The following DMD variants were observed in gnomAD, a reference collection of about 807,000 sequenced individuals.
DMD encodes the protein dystrophin, also known as mutant dystrophin.
Under a neutral mutation model 330.1 loss-of-function variants are expected in DMD, and 63 were observed. The observed-to-expected ratio is 0.19, with a 90% confidence interval of 0.16 to 0.24. The LOEUF is 0.24. Ranked by LOEUF, DMD falls within the 10% of genes least tolerant of loss-of-function variation. The pLI is 1.00. For missense variants in DMD, 3,344 were observed against 2,684.1 expected, an observed-to-expected ratio of 1.25 and a Z score of -5.43; for synonymous variants, 1,223 against 959.8, an observed-to-expected ratio of 1.27 and a Z score of -5.07.
chrX:31,321,583 C>CAAAAAAAAAAAAAAAAA (rs1190446358), intron 62 of DMD, among the ~76,000 whole-genome samples: 17 of 10,466 alleles, frequency 1.6e-3, no homozygotes, highest in East Asian at 4.0e-3. Context: ...AACTCCATCT[C>CAAAAAAAAAAAAAAAAA]AAAAAAAAAA....
At chrX:32,162,333 C>T (rs191177657) in intron 44 of DMD, among the ~76,000 whole-genome samples, 1,315 of 110,866 alleles carry the variant, frequency 0.012, 15 homozygotes, top group Middle Eastern at 0.023. Flanking sequence ...ATCCCTCAGC[C>T]TCTCATACAG....
intron 23 of DMD, among the ~76,000 whole-genome samples, chrX:32,465,301 C>G (rs572441956): frequency 3.1e-4 from 34 of 111,221 alleles, no homozygotes; most frequent in Admixed American, 4.8e-4. Context: ...GATTCTTTCC[C>G]GTATTACCTT....
At chrX:31,633,988 G>A (rs2079268804) in intron 54 of DMD, among the ~76,000 whole-genome samples, 1 of 111,741 alleles carries the variant, frequency 8.9e-6, no homozygotes, top group African/African-American at 3.2e-5. Context: ...GACAGATATT[G>A]GAATACACTC....
chrX:32,438,129 A>C, intron 29 of DMD, 112 bp downstream of exon 29: 1 of 836,761 alleles, frequency 1.2e-6, no homozygotes, highest in Non-Finnish European at 1.7e-6. Flanking sequence ...TTGTCTCTGA[A>C]ACCTGAAAGC....
At chrX:32,022,146 T>C (rs2095810646) in intron 44 of DMD, among the ~76,000 whole-genome samples, 1 of 111,768 alleles carries the variant, frequency 8.9e-6, no homozygotes, top group Non-Finnish European at 1.9e-5. Flanking sequence ...TTTTTTAAAA[T>C]CTGCTCTAAA....
At chrX:33,163,976 C>A (rs762575060) in intron 1 of DMD, among the ~76,000 whole-genome samples, 4 of 110,663 alleles carry the variant, frequency 3.6e-5, no homozygotes, top group African/African-American at 1.3e-4. Context: ...CCATATGCTC[C>A]CCCCACCCTA....
chrX:32,250,870 G>C (rs2148162504), intron 43 of DMD, among the ~76,000 whole-genome samples: 1 of 111,398 alleles, frequency 9.0e-6, no homozygotes, highest in South Asian at 3.8e-4. Context: ...CATAAAACAG[G>C]ATGACTTCAT....
At chrX:31,515,873 G>A (rs1427012405) in intron 55 of DMD, among the ~76,000 whole-genome samples, 2 of 112,485 alleles carry the variant, frequency 1.8e-5, no homozygotes, top group Non-Finnish European at 3.8e-5. Context: ...AGAAAGCAGT[G>A]TATGTAAATG....
rs1329207701 is a variant in DMD, at chrX:31,121,935, AAAACAAAGAG to A, written c.11047-15_11047-6del. The A allele has an allele frequency of 4.2e-6, 5 of 1,179,953 alleles. No homozygotes were observed. Among genetic ancestry groups the A allele is most frequent in the East Asian group, 3.0e-5 (1 of 33,758 alleles). On this transcript the variant is annotated splice_region_variant and splice_polypyrimidine_tract_variant and intron_variant, in intron 78 of 78. Transcript: ENST00000357033. ...AAAGACTTCCTACATTGTGTCCTGGAAAACAAAGAGAAAGAAAGACAGACTTTACAAAAGG... is the reference window on the plus strand; with the variant it reads ...AAAGACTTCCTACATTGTGTCCTGGAAAAGAAAGACAGACTTTACAAAAGG...
chrX:32,883,284 AC>A (rs1247643216), intron 2 of DMD, among the ~76,000 whole-genome samples: 1 of 111,927 alleles, frequency 8.9e-6, no homozygotes. Context: ...CAGGCACTGA[AC>A]GGCAATTGTG....
chrX:33,248,801 C>T (rs2052714867), intron 1 of DMD, among the ~76,000 whole-genome samples: 3 of 112,356 alleles, frequency 2.7e-5, no homozygotes, highest in South Asian at 3.6e-4. Context: ...ATGTTCTTAA[C>T]GATTTGCTGA....
At chrX:31,463,946 T>C (rs949757777) in intron 59 of DMD, among the ~76,000 whole-genome samples, 8 of 111,890 alleles carry the variant, frequency 7.1e-5, no homozygotes, top group Non-Finnish European at 1.1e-4. Flanking sequence ...AATGAGTGCA[T>C]TTGTATATCC....
At chrX:33,184,389 G>A (rs1053531675) in intron 1 of DMD, among the ~76,000 whole-genome samples, 2 of 110,645 alleles carry the variant, frequency 1.8e-5, no homozygotes, top group Admixed American at 9.7e-5. Context: ...TTTCATATAC[G>A]AAATCCGATT....
At position 32,576,692 on chromosome X, in the gene DMD, T is replaced by C. The variant is rs764532514; in HGVS notation, c.1603-2846A>G. Among the ~76,000 whole-genome samples, 238 of 87,261 alleles carry C rather than the reference T, an allele frequency of 2.7e-3. 1 individual carries two copies. The highest frequency in any genetic ancestry group is 0.018 in the Middle Eastern group (2 of 111). 75.8% of individuals were successfully genotyped at this position (87,261 alleles called of 115,157 possible). A position where few individuals can be genotyped will look rare whatever the true frequency, so the allele number is the denominator to read the frequency against. On this transcript the variant is annotated intron_variant, in intron 13 of 78. Transcript: ENST00000357033. ...TTTTCTGACTGTGGTTGACTGCCAG[T>C]AATTGAAGCCAAGGAGAGCAAAACC...
intron 19 of DMD, among the ~76,000 whole-genome samples, chrX:32,492,735 C>A (rs2043125890): frequency 1.8e-5 from 2 of 112,112 alleles, no homozygotes; most frequent in South Asian, 7.3e-4. Flanking sequence ...TTCTTAATGA[C>A]AGAATATAAA....
chrX:33,193,123 A>G (rs1381749341), intron 1 of DMD, among the ~76,000 whole-genome samples: 1 of 111,675 alleles, frequency 9.0e-6, no homozygotes, highest in African/African-American at 3.3e-5. Context: ...CCTGGCCAAC[A>G]TGGCAAAACC....
At chrX:31,829,360 C>A (rs939119425) in intron 49 of DMD, among the ~76,000 whole-genome samples, 33 of 110,338 alleles carry the variant, frequency 3.0e-4, no homozygotes, top group African/African-American at 1.1e-3. Flanking sequence ...ACCACCTATA[C>A]CCCCAAAACT....
chrX:32,829,218 T>C (rs1056619392), intron 4 of DMD, among the ~76,000 whole-genome samples: 1 of 111,593 alleles, frequency 9.0e-6, no homozygotes, highest in Admixed American at 9.6e-5. Flanking sequence ...GCTTAAAGTA[T>C]ATAAATTATT....
At chrX:32,626,170 T>G in intron 11 of DMD, among the ~76,000 whole-genome samples, 1 of 112,259 alleles carries the variant, frequency 8.9e-6, no homozygotes. Flanking sequence ...TTTATTTACT[T>G]ATTCAAAATG....
Sources: gnomAD v4.1 joint callset for allele counts (sites outside exome capture counted in the v4.1 genomes callset) on GRCh38, gnomAD v4.1.1 for gene constraint, MANE v1.5 for transcripts, NCBI Gene and HGNC (gene_info 2026-07-23, HGNC 2026-07-21) for gene names.